The following ESRRG variants were observed in gnomAD, a reference collection of about 807,000 sequenced individuals.
ESRRG encodes the protein estrogen-related receptor gamma.
In ESRRG, 13 loss-of-function variants were observed where a neutral mutation model predicts 44.0. That is an observed-to-expected ratio of 0.30 (90% CI 0.19 to 0.47). ESRRG has a LOEUF of 0.47. Ranked by LOEUF, ESRRG falls within the 20% of genes least tolerant of loss-of-function variation. ESRRG has a pLI of 1.00. For synonymous variants in ESRRG, 215 were observed against 214.6 expected (o/e 1.00, Z -0.02); for missense variants, 395 against 580.6 (o/e 0.68, Z 3.29).
intron 1 of ESRRG, among the ~76,000 whole-genome samples, chr1:217,116,812 T>C (rs1159129305): frequency 6.6e-6 from 1 of 152,118 alleles, no homozygotes; most frequent in Non-Finnish European, 1.5e-5. Context: ...CATCAGCCCA[T>C]TGGGATGGTG....
chr1:216,945,884 C>T (rs1235978487), intron 1 of ESRRG, among the ~76,000 whole-genome samples: 1 of 152,082 alleles, frequency 6.6e-6, no homozygotes, highest in Non-Finnish European at 1.5e-5. Flanking sequence ...ACTGGTGTGC[C>T]AAGCCTCAGT....
At chr1:217,093,917 C>G (rs1296618756), upstream of ESRRG, among the ~76,000 whole-genome samples, 1 of 151,986 alleles carries the variant, frequency 6.6e-6, no homozygotes, top group Non-Finnish European at 1.5e-5. Context: ...GGATCTGGCT[C>G]TGTATTCCAG....
chr1:216,632,588 T>C (rs781009258), intron 3 of ESRRG, among the ~76,000 whole-genome samples: 2 of 152,108 alleles, frequency 1.3e-5, no homozygotes, highest in Non-Finnish European at 2.9e-5. Flanking sequence ...ATTTTTGCAA[T>C]AGAGATTATC....
intron 2 of ESRRG, among the ~76,000 whole-genome samples, chr1:216,904,260 AAAC>A (rs1335508228): frequency 6.6e-6 from 1 of 151,966 alleles, no homozygotes; most frequent in South Asian, 2.1e-4. Flanking sequence ...TAAACAAGAT[AAAC>A]AACAACAGAC....
At chr1:216,628,075 T>C (rs1240977802) in intron 3 of ESRRG, among the ~76,000 whole-genome samples, 2 of 152,200 alleles carry the variant, frequency 1.3e-5, no homozygotes, top group African/African-American at 4.8e-5. Flanking sequence ...TGTATCCTGA[T>C]GAATCTAAGT....
chr1:216,527,291 T>C (rs2047949014), intron 5 of ESRRG, among the ~76,000 whole-genome samples: 1 of 152,174 alleles, frequency 6.6e-6, no homozygotes, highest in African/African-American at 2.4e-5. Context: ...GCCTTCATCA[T>C]CCTTTTGGGG....
intron 3 of ESRRG, among the ~76,000 whole-genome samples, chr1:216,611,276 T>C (rs2060630751): frequency 6.8e-6 from 1 of 147,322 alleles, no homozygotes; most frequent in Non-Finnish European, 1.5e-5. Context: ...AGGTATTTGA[T>C]ATAAGTGGTA....
chr1:216,664,540 T>G (rs2073374672), intron 2 of ESRRG, among the ~76,000 whole-genome samples: 1 of 150,986 alleles, frequency 6.6e-6, no homozygotes, highest in African/African-American at 2.4e-5. Flanking sequence ...GACAGCTATG[T>G]ACATTATCCA....
chr1:216,971,666 T>C (rs553060568), intron 1 of ESRRG, among the ~76,000 whole-genome samples: 5 of 152,308 alleles, frequency 3.3e-5, no homozygotes, highest in African/African-American at 1.2e-4. Context: ...TTTATTTTAA[T>C]AAAATATTTA....
intron 1 of ESRRG, among the ~76,000 whole-genome samples, chr1:216,998,911 A>G (rs2076687851): frequency 6.6e-6 from 1 of 152,238 alleles, no homozygotes; most frequent in Non-Finnish European, 1.5e-5. Flanking sequence ...ATAATGAAAC[A>G]TGGACATTCA....
intron 6 of ESRRG, among the ~76,000 whole-genome samples, chr1:216,515,204 C>G (rs1202654588): frequency 2.0e-5 from 3 of 151,820 alleles, no homozygotes; most frequent in African/African-American, 7.3e-5. Flanking sequence ...AAATATTCCT[C>G]TTTTTAGGTA....
intron 5 of ESRRG, among the ~76,000 whole-genome samples, chr1:216,543,418 T>C (rs2053489420): frequency 6.6e-6 from 1 of 152,034 alleles, no homozygotes; most frequent in Non-Finnish European, 1.5e-5. Context: ...CAGCTCTTGA[T>C]GAGTAAAGAA....
rs886311108 is a variant in ESRRG at position 217,051,207 on chromosome 1, G to GGT, written c.-106+38299_-106+38300insAC. Among the ~76,000 whole-genome samples the GGT allele has an allele frequency of 2.4e-4, 31 of 127,386 alleles. 1 individual carries two copies. The highest frequency in any genetic ancestry group is 3.9e-4 in the Non-Finnish European group (23 of 59,100). The allele number at this position is 127,386 out of a possible 152,430, so 83.6% of individuals were successfully genotyped here. A position where few individuals can be genotyped will look rare whatever the true frequency, so the allele number is the denominator to read the frequency against. On this transcript the variant is annotated intron_variant, in intron 1 of 7. Transcript: ENST00000359162. ...CAGAAGGAGTGGATAATGGGGGCGG[G>GGT]GGGGGGGGGTGCCAGGGGAATTGTA...
chr1:217,061,201 CAGTT>C (rs992919556), intron 1 of ESRRG, among the ~76,000 whole-genome samples: 8 of 152,130 alleles, frequency 5.3e-5, no homozygotes, highest in African/African-American at 1.9e-4. Context: ...GCCCTTGTCA[CAGTT>C]AGGATAAAAC....
intron 1 of ESRRG, among the ~76,000 whole-genome samples, chr1:217,062,029 A>T (rs1449161657): frequency 2.0e-5 from 3 of 152,184 alleles, no homozygotes; most frequent in Non-Finnish European, 2.9e-5. Flanking sequence ...TTAATGAATT[A>T]GTTTGAGTGA....
At chr1:216,575,402 T>C (rs1392020981) in intron 3 of ESRRG, among the ~76,000 whole-genome samples, 1 of 152,064 alleles carries the variant, frequency 6.6e-6, no homozygotes, top group African/African-American at 2.4e-5. Context: ...CATACCTACC[T>C]CCTCTCCCTA....
intron 2 of ESRRG, chr1:216,939,485 G>C (rs2064847816): frequency 6.6e-6 from 1 of 151,304 alleles, no homozygotes; most frequent in East Asian, 2.0e-4. Flanking sequence ...AAGATGTCAA[G>C]AGGACACTTA....
At chr1:216,856,675 G>C (rs1197168021) in intron 2 of ESRRG, among the ~76,000 whole-genome samples, 1 of 152,140 alleles carries the variant, frequency 6.6e-6, no homozygotes, top group African/African-American at 2.4e-5. Context: ...TATTGACGAA[G>C]AGTATATTAC....
At chr1:216,582,998 G>A (rs1452518973) in intron 3 of ESRRG, among the ~76,000 whole-genome samples, 4 of 151,802 alleles carry the variant, frequency 2.6e-5, no homozygotes, top group African/African-American at 9.7e-5. Flanking sequence ...GACTTCATGA[G>A]AAAGGGGGAA....
Sources: gnomAD v4.1 joint callset for allele counts (sites outside exome capture counted in the v4.1 genomes callset) on GRCh38, gnomAD v4.1.1 for gene constraint, MANE v1.5 for transcripts, NCBI Gene and HGNC (gene_info 2026-07-23, HGNC 2026-07-21) for gene names.